The following HMCN1 variants were observed in gnomAD, a reference collection of about 807,000 sequenced individuals.
HMCN1 encodes hemicentin-1.
A neutral mutation model predicts 625.9 loss-of-function variants in HMCN1; 321 were observed. The ratio of observed to expected loss-of-function variants is 0.51; its 90% CI spans 0.47 to 0.56. HMCN1 has a LOEUF of 0.56. HMCN1 is among the 20% of genes least tolerant of loss of function. The pLI is 0.00. For synonymous variants in HMCN1, 2,425 were observed against 2,417.6 expected (o/e 1.00, Z -0.09); for missense variants, 6,588 against 6,887.3 (o/e 0.96, Z 1.54).
intron 1 of HMCN1, among the ~76,000 whole-genome samples, chr1:185,805,897 C>T (rs1659142187): frequency 6.6e-6 from 1 of 152,100 alleles, no homozygotes; most frequent in South Asian, 2.1e-4. Flanking sequence ...TTTGGTGCCA[C>T]ATTCATGGTT....
chr1:186,188,806 G>A (rs1653521626), intron 106 of HMCN1, among the ~76,000 whole-genome samples: 1 of 152,108 alleles, frequency 6.6e-6, no homozygotes, highest in Admixed American at 6.6e-5. Flanking sequence ...GAATAGGAAG[G>A]AGAAAATTGA....
intron 100 of HMCN1, among the ~76,000 whole-genome samples, chr1:186,170,085 C>T (rs1428731607): frequency 6.6e-6 from 1 of 151,998 alleles, no homozygotes; most frequent in Non-Finnish European, 1.5e-5. Flanking sequence ...CATCACTGGT[C>T]ATTAGAGAAA....
At chr1:185,738,461 G>A (rs528705658) in intron 1 of HMCN1, among the ~76,000 whole-genome samples, 7 of 152,124 alleles carry the variant, frequency 4.6e-5, no homozygotes, top group Non-Finnish European at 1.0e-4. Flanking sequence ...CATTTTCAAG[G>A]TTCATCCATG....
intron 4 of HMCN1, among the ~76,000 whole-genome samples, chr1:185,896,825 G>A (rs1210408962): frequency 2.6e-5 from 4 of 152,094 alleles, no homozygotes; most frequent in African/African-American, 7.2e-5. Flanking sequence ...TGATTTGTAG[G>A]TATACTATAA....
chr1:186,003,903 A>G (rs1288299182), intron 29 of HMCN1, 59 bp downstream of exon 29: 12 of 1,522,974 alleles, frequency 7.9e-6, no homozygotes, highest in Non-Finnish European at 1.0e-5. Flanking sequence ...GATGTGAAAA[A>G]TGCATGTGGA....
At chr1:185,799,556 T>C (rs1658647703) in intron 1 of HMCN1, among the ~76,000 whole-genome samples, 1 of 152,048 alleles carries the variant, frequency 6.6e-6, no homozygotes, top group African/African-American at 2.4e-5. Flanking sequence ...TATGATTTCC[T>C]AGGTTATGAA....
intron 2 of HMCN1, among the ~76,000 whole-genome samples, chr1:185,851,641 T>C (rs1161849669): frequency 1.3e-5 from 2 of 152,110 alleles, no homozygotes; most frequent in African/African-American, 4.8e-5. Flanking sequence ...TCCTCGTAAA[T>C]ATGCAGTGCA....
chr1:186,137,715 A>C, intron 88 of HMCN1, 47 bp downstream of exon 88: 1 of 1,613,824 alleles, frequency 6.2e-7, no homozygotes, highest in East Asian at 2.2e-5. Context: ...ATAGACCTTC[A>C]TTTCTGTCTT....
At chr1:186,149,790 G>A (rs1650556902) in intron 93 of HMCN1, among the ~76,000 whole-genome samples, 1 of 152,058 alleles carries the variant, frequency 6.6e-6, no homozygotes, top group Non-Finnish European at 1.5e-5. Context: ...GTGAATAATT[G>A]GCCTAGTTTC....
Position 186,079,480 on chromosome 1 carries a change from G to A in HMCN1, c.8599+1260G>A, listed in dbSNP as rs578115832. Among the ~76,000 whole-genome samples the A allele has an allele frequency of 3.3e-5, 5 of 152,252 alleles. No individual in the cohort carries two copies. The South Asian group carries it at 1.0e-3, about 32-fold the overall frequency. ...AGTTATACCTTCTACAGACAATAGTGGCTCAGAGCCAAGTATGAACTTACA... is the reference window on the plus strand; with the variant it reads ...AGTTATACCTTCTACAGACAATAGTAGCTCAGAGCCAAGTATGAACTTACA... On this transcript the variant is annotated intron_variant, in intron 55 of 106. Transcript: ENST00000271588.
At chr1:186,167,540 A>G (rs1651955049) in intron 100 of HMCN1, among the ~76,000 whole-genome samples, 1 of 152,206 alleles carries the variant, frequency 6.6e-6, no homozygotes, top group Non-Finnish European at 1.5e-5. Context: ...GGTGTTGCAC[A>G]TTCTATGGGT....
intron 83 of HMCN1, among the ~76,000 whole-genome samples, chr1:186,128,797 C>T (rs965009872): frequency 2.0e-5 from 3 of 151,948 alleles, no homozygotes; most frequent in Non-Finnish European, 4.4e-5. Context: ...CCAGGAGCAC[C>T]CATCCCTGGG....
At chr1:185,932,821 C>A (rs550332866) in intron 10 of HMCN1, among the ~76,000 whole-genome samples, 54 of 152,210 alleles carry the variant, frequency 3.5e-4, no homozygotes, top group African/African-American at 1.2e-3. Flanking sequence ...ACGTTCTGCA[C>A]AGGTACCCCA....
At chr1:186,128,833 G>A (rs1661778682) in intron 83 of HMCN1, among the ~76,000 whole-genome samples, 1 of 152,048 alleles carries the variant, frequency 6.6e-6, no homozygotes, top group South Asian at 2.1e-4. Flanking sequence ...CTATTTGTTA[G>A]ACTTTGTCAT....
intron 29 of HMCN1, among the ~76,000 whole-genome samples, chr1:186,004,618 C>A: frequency 6.6e-6 from 1 of 151,748 alleles, no homozygotes; most frequent in Non-Finnish European, 1.5e-5. Flanking sequence ...GGCAAAAAAG[C>A]AAAGGTTTGA....
chr1:185,989,923 C>A (rs1652306096), intron 21 of HMCN1, among the ~76,000 whole-genome samples: 1 of 152,080 alleles, frequency 6.6e-6, no homozygotes, highest in Non-Finnish European at 1.5e-5. Context: ...TTGCACCCAA[C>A]CCTCTTCAGT....
intron 1 of HMCN1, among the ~76,000 whole-genome samples, chr1:185,752,341 C>T (rs1654872811): frequency 6.6e-6 from 1 of 152,026 alleles, no homozygotes; most frequent in Non-Finnish European, 1.5e-5. Context: ...CAAAAAAAGG[C>T]TGATACCATA....
chr1:186,137,685 A>G lies in HMCN1; in HGVS notation c.13753+17A>G, dbSNP rs954922341. The stretch of plus-strand genomic sequence containing the variant: ...CTTGTCCAGGTACACCTCCTTATTT[A>G]ACTGATAGGCATGTGTTTAATAGAC... On this transcript the variant is annotated intron_variant, in intron 88 of 106. Coordinates refer to ENST00000271588, the MANE Select transcript of HMCN1 (RefSeq NM_031935.3). 2.5e-6 allele frequency: 4 copies of G among 1,613,924 alleles called. No individual in the cohort carries two copies. In the African/African-American group the frequency reaches 5.3e-5, roughly 22 times the overall value.
intron 82 of HMCN1, among the ~76,000 whole-genome samples, chr1:186,126,038 T>TATCA (rs1661627173): frequency 6.6e-6 from 1 of 152,166 alleles, no homozygotes; most frequent in South Asian, 2.1e-4. Flanking sequence ...AATATGTGTT[T>TATCA]ATCAGGAAAA....
Sources: gnomAD v4.1 joint callset for allele counts (sites outside exome capture counted in the v4.1 genomes callset) on GRCh38, gnomAD v4.1.1 for gene constraint, MANE v1.5 for transcripts, NCBI Gene and HGNC (gene_info 2026-07-23, HGNC 2026-07-21) for gene names.